The following PAPPA variants were observed in gnomAD, a reference collection of about 807,000 sequenced individuals.
The protein encoded by PAPPA is pappalysin-1.
A neutral mutation model predicts 164.0 loss-of-function variants in PAPPA; 60 were observed. That is an observed-to-expected ratio of 0.37 (90% CI 0.30 to 0.45). PAPPA has a LOEUF of 0.45. PAPPA is among the 20% of genes least tolerant of loss of function. The pLI is 1.00. For synonymous variants in PAPPA, 875 were observed against 814.1 expected, an observed-to-expected ratio of 1.07 and a Z score of -1.27; for missense variants, 1,782 against 2,087.3, an observed-to-expected ratio of 0.85 and a Z score of 2.85.
rs1216309747 is a variant in PAPPA, at chr9:116,398,506, A to G, written c.*1890A>G. On this transcript the variant is annotated 3_prime_UTR_variant, in exon 22 of 22. Coordinates refer to ENST00000328252, the MANE Select transcript of PAPPA (RefSeq NM_002581.5). ...AAAAAAAAAAAAAAAAGAGACCAAA[A>G]ATAACTTTAGGAACCACCATATTAT... 1.7e-6 allele frequency: 2 copies of G among 1,194,394 alleles called. No individual in the cohort carries two copies. The highest frequency in any genetic ancestry group is 2.1e-6 in the Non-Finnish European group (2 of 933,246). 74.0% of individuals were successfully genotyped at this position (1,194,394 alleles called of 1,614,324 possible).
At chr9:116,312,019 G>C (rs942815275) in intron 10 of PAPPA, among the ~76,000 whole-genome samples, 2 of 152,198 alleles carry the variant, frequency 1.3e-5, no homozygotes, top group Admixed American at 6.5e-5. Flanking sequence ...AATAAGCAAG[G>C]CTTTGTGGTT....
intron 13 of PAPPA, among the ~76,000 whole-genome samples, chr9:116,337,085 G>A (rs1160463955): frequency 1.3e-5 from 2 of 152,168 alleles, no homozygotes; most frequent in Non-Finnish European, 2.9e-5. Context: ...ATCCTGCTTT[G>A]TCTGTCCCTG....
At position 116,290,924 on chromosome 9, in the gene PAPPA, C is replaced by G. The variant is rs535723274; in HGVS notation, c.2954-11833C>G. 2.0e-5 allele frequency among the ~76,000 whole-genome samples: 3 copies of G among 151,936 alleles called. No individual in the cohort carries two copies. In the East Asian group the frequency reaches 5.8e-4, roughly 29 times the overall value. ...ATAGACCTTTGGGTCCTAGGTATTG[C>G]TCTTCCTTCTGTTTGTGGTTAGAAT... is the stretch of plus-strand genomic sequence containing the variant. On this transcript the variant is annotated intron_variant, in intron 9 of 21. Coordinates refer to ENST00000328252, the MANE Select transcript of PAPPA (RefSeq NM_002581.5).
rs373075093 is a variant in PAPPA, at chr9:116,260,625, G to A, written c.2733-5232G>A. Among the ~76,000 whole-genome samples, 6 of 152,184 alleles carry A rather than the reference G, an allele frequency of 3.9e-5. No individual in the cohort carries two copies. The East Asian group carries it at 7.7e-4, about 20-fold the overall frequency. On this transcript the variant is annotated intron_variant, in intron 7 of 21. Transcript: ENST00000328252. ...GTGCAGAATTTTAAATGCTGAAGCAGTTTCTAGCCTATGGAAAAGCTCAAG... is the reference window on the plus strand; with the variant it reads ...GTGCAGAATTTTAAATGCTGAAGCAATTTCTAGCCTATGGAAAAGCTCAAG...
rs772044317 is a variant in PAPPA, at chr9:116,241,878, T to C, written c.2732+6241T>C. Among the ~76,000 whole-genome samples the C allele has an allele frequency of 2.0e-5, 3 of 152,176 alleles. No individual in the cohort carries two copies. The East Asian group carries it at 5.8e-4, about 29-fold the overall frequency. ...TCACCACTTTCTTTCTTCCTTTTTT[T>C]TTCCTAAGCCTCATTTCTTTTTATA... On this transcript the variant is annotated intron_variant, in intron 7 of 21. Coordinates refer to ENST00000328252, the MANE Select transcript of PAPPA (RefSeq NM_002581.5).
chr9:116,379,544 C>CATCG (rs1846699611), intron 20 of PAPPA, among the ~76,000 whole-genome samples: 1 of 102,942 alleles, frequency 9.7e-6, no homozygotes, highest in African/African-American at 3.0e-5. Flanking sequence ...GCCTGTCATC[C>CATCG]ATCCATCCAT....
chr9:116,228,046 A>G (rs538815461), intron 6 of PAPPA, among the ~76,000 whole-genome samples: 1 of 152,094 alleles, frequency 6.6e-6, no homozygotes, highest in African/African-American at 2.4e-5. Context: ...GGATCTATTT[A>G]CCTGTAAGAC....
intron 3 of PAPPA, among the ~76,000 whole-genome samples, chr9:116,210,844 G>T (rs976543970): frequency 1.3e-5 from 2 of 152,164 alleles, no homozygotes. Context: ...TGATGATCAT[G>T]CTGCTTGTCC....
chr9:116,326,609 C>CGTAAGAGGGT (rs1845923843), intron 10 of PAPPA, among the ~76,000 whole-genome samples: 1 of 152,110 alleles, frequency 6.6e-6, no homozygotes, highest in East Asian at 1.9e-4. Flanking sequence ...GAGATCTACC[C>CGTAAGAGGGT]TCTTAACAAA....
chr9:116,387,497 C>T (rs565080460), intron 21 of PAPPA, among the ~76,000 whole-genome samples: 77 of 152,270 alleles, frequency 5.1e-4, no homozygotes, highest in African/African-American at 1.8e-3. Context: ...CCTCAGCCTT[C>T]CAAATAGCTG....
chr9:116,233,718 T>C (rs1453381386), intron 6 of PAPPA, among the ~76,000 whole-genome samples: 2 of 152,192 alleles, frequency 1.3e-5, no homozygotes, highest in Non-Finnish European at 2.9e-5. Context: ...CAGCCTTCAC[T>C]GGCATAGTTT....
chr9:116,283,075 G>C (rs569812249), intron 9 of PAPPA, among the ~76,000 whole-genome samples: 18 of 152,040 alleles, frequency 1.2e-4, no homozygotes, highest in Admixed American at 3.3e-4. Flanking sequence ...TCATGCACAC[G>C]GTTGCTTTTC....
At chr9:116,380,202 T>A (rs1290271457) in intron 20 of PAPPA, among the ~76,000 whole-genome samples, 1 of 152,214 alleles carries the variant, frequency 6.6e-6, no homozygotes, top group Non-Finnish European at 1.5e-5. Flanking sequence ...AGGAACTATA[T>A]CTATATTAAT....
rs181506782 is a variant in PAPPA, at chr9:116,360,288, G to T, written c.4348-2304G>T. 4.1e-5 allele frequency among the ~76,000 whole-genome samples: 6 copies of T among 146,360 alleles called. No individual in the cohort carries two copies. The East Asian group carries it at 9.9e-4, about 24-fold the overall frequency. Reference sequence around the variant, plus strand: ...AGAAGGAGAGTCTGGGCTCTTTGAAGCCACATGAAGCTGCGTAAGTTTGCC... The same window carrying T: ...AGAAGGAGAGTCTGGGCTCTTTGAATCCACATGAAGCTGCGTAAGTTTGCC... On this transcript the variant is annotated intron_variant, in intron 17 of 21. Transcript: ENST00000328252.
chr9:116,287,770 C>CT (rs1339630107), intron 9 of PAPPA, among the ~76,000 whole-genome samples: 3 of 152,286 alleles, frequency 2.0e-5, no homozygotes, highest in East Asian at 3.9e-4. Context: ...ATCCAGGGTC[C>CT]TATTCTTTGA....
intron 10 of PAPPA, among the ~76,000 whole-genome samples, chr9:116,303,782 C>T (rs1352167739): frequency 2.0e-5 from 3 of 152,112 alleles, no homozygotes; most frequent in African/African-American, 4.8e-5. Flanking sequence ...TAGGTTTAGT[C>T]GGGTAGCCCT....
rs1374525061 is a variant in PAPPA, at chr9:116,154,063, C to A, written c.-110C>A. ...AAAAAAGCAAGTGGAAAGGGGGGCT[C>A]GCCCAAGAAGGGTGAAGAAGCGAAG... On this transcript the variant is annotated 5_prime_UTR_variant, in exon 1 of 22. Coordinates refer to ENST00000328252, the MANE Select transcript of PAPPA (RefSeq NM_002581.5). This position sits in a 1 kb window ranked among gnomAD's most constrained non-coding sequence, Gnocchi z 5.2. 6.1e-6 allele frequency: 7 copies of A among 1,148,356 alleles called. No individual in the cohort carries two copies. The South Asian group carries it at 1.2e-4, about 20-fold the overall frequency. The allele number at this position is 1,148,356 out of a possible 1,614,324, so 71.1% of individuals were successfully genotyped here.
chr9:116,213,262 A>G (rs1245661852), intron 4 of PAPPA, among the ~76,000 whole-genome samples: 2 of 152,140 alleles, frequency 1.3e-5, no homozygotes, highest in Non-Finnish European at 2.9e-5. Context: ...CTGGAACCCA[A>G]AGGTTTCTGT....
At chr9:116,213,518 A>G (rs1335601334) in intron 4 of PAPPA, among the ~76,000 whole-genome samples, 3 of 152,098 alleles carry the variant, frequency 2.0e-5, no homozygotes, top group Admixed American at 6.6e-5. Context: ...CCATCCCCTC[A>G]TACAACACTG....
Sources: gnomAD v4.1 joint callset for allele counts (sites outside exome capture counted in the v4.1 genomes callset) on GRCh38, gnomAD v4.1.1 for gene constraint, Gnocchi (gnomAD v3.1) non-coding constraint, MANE v1.5 for transcripts, NCBI Gene and HGNC (gene_info 2026-07-23, HGNC 2026-07-21) for gene names.